RYR3: variants seen among roughly 807,000 people sequenced by gnomAD.
The protein encoded by RYR3 is brain ryanodine receptor-calcium release channel.
A neutral mutation model predicts 584.3 loss-of-function variants in RYR3; 207 were observed. That is an observed-to-expected ratio of 0.35 (90% confidence interval 0.32 to 0.40). RYR3 has a LOEUF of 0.40. Among genes scored for constraint, RYR3 ranks in the 10% least tolerant of loss-of-function variants. RYR3 has a pLI of 1.00. For synonymous variants in RYR3, 2,416 were observed against 2,248.5 expected, an observed-to-expected ratio of 1.07 and a Z score of -2.11; for missense variants, 5,616 against 6,089.2, an observed-to-expected ratio of 0.92 and a Z score of 2.59.
intron 4 of RYR3, among the ~76,000 whole-genome samples, chr15:33,531,683 T>A (rs2054886947): frequency 6.6e-6 from 1 of 152,026 alleles, no homozygotes; most frequent in Admixed American, 6.6e-5. Context: ...GGCTGACCTT[T>A]TCAGCCTGAA....
At chr15:33,357,839 C>T (rs190588404) in intron 1 of RYR3, among the ~76,000 whole-genome samples, 1 of 152,266 alleles carries the variant, frequency 6.6e-6, no homozygotes. Context: ...ACCAGCGAGC[C>T]TAATCATGTT....
intron 43 of RYR3, chr15:33,722,398 G>A (rs1199093672): frequency 5.8e-6 from 2 of 343,554 alleles, no homozygotes; most frequent in Non-Finnish European, 1.0e-5. Flanking sequence ...TGTAATGGTG[G>A]ATCTTAATAC....
chr15:33,848,235 G>A, intron 93 of RYR3, 56 bp from the exon 94 acceptor site: 1 of 1,604,482 alleles, frequency 6.2e-7, no homozygotes, highest in Non-Finnish European at 8.5e-7. Context: ...ATACCTGGGA[G>A]CAGGAGCTTT....
intron 4 of RYR3, among the ~76,000 whole-genome samples, chr15:33,532,972 C>T (rs1207381972): frequency 6.6e-6 from 1 of 152,072 alleles, no homozygotes; most frequent in African/African-American, 2.4e-5. Context: ...TTTTAATTAG[C>T]TGGGCATGGT....
chr15:33,472,156 T>G (rs936483739), intron 1 of RYR3, among the ~76,000 whole-genome samples: 1 of 152,204 alleles, frequency 6.6e-6, no homozygotes, highest in Non-Finnish European at 1.5e-5. Flanking sequence ...AGTAAAACTG[T>G]GGAGCTATGT....
chr15:33,542,225 A>G (rs893842202), intron 7 of RYR3, among the ~76,000 whole-genome samples: 1 of 152,064 alleles, frequency 6.6e-6, no homozygotes, highest in Non-Finnish European at 1.5e-5. Context: ...TTTCCTGACT[A>G]TGGCCCTGAT....
rs990042194 is a variant in RYR3, at chr15:33,527,303, G to A, written c.280-3289G>A. Among the ~76,000 whole-genome samples the A allele has an allele frequency of 3.9e-5, 6 of 152,036 alleles. No homozygotes were observed. The East Asian group carries it at 9.6e-4, about 24-fold the overall frequency. On this transcript the variant is annotated intron_variant, in intron 3 of 103. Transcript: ENST00000634891. Reference sequence around the variant, plus strand: ...AAATAAAATAAAATACATTAAGGCCGGGCATGGTAGCTCACTCCTGTAATC... The same window carrying A: ...AAATAAAATAAAATACATTAAGGCCAGGCATGGTAGCTCACTCCTGTAATC...
At chr15:33,859,805 A>C (rs1470174287) in intron 100 of RYR3, 74 bp downstream of exon 100, 29 of 1,450,896 alleles carry the variant, frequency 2.0e-5, no homozygotes, top group Non-Finnish European at 2.6e-5. Flanking sequence ...TCTATGACTT[A>C]ATTGGTTTAT....
At chr15:33,651,857 C>T (rs868656553) in intron 31 of RYR3, among the ~76,000 whole-genome samples, 1 of 152,182 alleles carries the variant, frequency 6.6e-6, no homozygotes, top group African/African-American at 2.4e-5. Flanking sequence ...CCTGAGCTGA[C>T]GTACACCAGT....
intron 10 of RYR3, among the ~76,000 whole-genome samples, chr15:33,550,681 C>T (rs2056612024): frequency 6.6e-6 from 1 of 152,124 alleles, no homozygotes; most frequent in African/African-American, 2.4e-5. Flanking sequence ...GCAATAGTAA[C>T]ATGGAGGCAT....
chr15:33,508,829 G>A (rs1483897897), intron 3 of RYR3, among the ~76,000 whole-genome samples: 1 of 152,070 alleles, frequency 6.6e-6, no homozygotes, highest in South Asian at 2.1e-4. Context: ...ATTTATTCTT[G>A]TCTTTACAGT....
At chr15:33,728,773 A>C (rs2068680688) in intron 46 of RYR3, 84 bp from the exon 47 acceptor site, 1 of 1,301,460 alleles carries the variant, frequency 7.7e-7, no homozygotes, top group Non-Finnish European at 1.0e-6. Flanking sequence ...AGGGAGAATA[A>C]GCTATAGACA....
At chr15:33,721,081 C>T (rs948853011) in intron 43 of RYR3, among the ~76,000 whole-genome samples, 1 of 152,176 alleles carries the variant, frequency 6.6e-6, no homozygotes, top group African/African-American at 2.4e-5. Context: ...GACTAAGTAA[C>T]AATAAATGAC....
rs2063237895 is a variant in RYR3 at position 33,662,700 on chromosome 15, C to T, written c.5170C>T (p.Pro1724Ser). 6.2e-7 allele frequency: 1 copy of T among 1,614,154 alleles called. No individual in the cohort carries two copies. The highest frequency in any genetic ancestry group is 8.5e-7 in the Non-Finnish European group (1 of 1,180,028). ...GGGGTCTGTGGAGTTCCAGTTTGTG[C>T]CTGTGCTGAAACTCATTGGAACCCT... ...VGGSVEFQFV[P>S]VLKLIGTLLV... is the part of the protein sequence containing the mutation. The change falls in exon 35 of 104, where the codon CCT becomes TCT. Residue 1724 changes from proline (P) to serine (S), a missense_variant. Coordinates refer to ENST00000634891, the MANE Select transcript of RYR3 (RefSeq NM_001036.6).
chr15:33,671,805 C>CTTTTTTTTTTTT lies in RYR3; in HGVS notation c.5860+1262_5860+1273dup, dbSNP rs56206846. Among the ~76,000 whole-genome samples, 73 of 80,274 alleles carry CTTTTTTTTTTTT rather than the reference C, an allele frequency of 9.1e-4. 1 individual carries two copies. The highest frequency in any genetic ancestry group is 1.5e-3 in the South Asian group (3 of 1,948). 52.7% of individuals were successfully genotyped at this position (80,274 alleles called of 152,430 possible). A position where few individuals can be genotyped will look rare whatever the true frequency, so the allele number is the denominator to read the frequency against. ...GTTGCTTCTTTCCCACCTTCTTTTT[C>CTTTTTTTTTTTT]TTTTTTTTTTTTTTTTTTTTTTTTC... On this transcript the variant is annotated intron_variant, in intron 38 of 103. Transcript: ENST00000634891.
intron 34 of RYR3, among the ~76,000 whole-genome samples, chr15:33,661,440 T>G (rs1280775023): frequency 6.6e-6 from 1 of 152,096 alleles, no homozygotes; most frequent in Admixed American, 6.5e-5. Flanking sequence ...ACCCCATGGA[T>G]AGTGGTAGAT....
intron 38 of RYR3, among the ~76,000 whole-genome samples, chr15:33,676,689 G>T (rs1034139637): frequency 6.6e-6 from 1 of 152,136 alleles, no homozygotes; most frequent in Non-Finnish European, 1.5e-5. Flanking sequence ...CACCCTGCAT[G>T]GCAAACAAAA....
At chr15:33,405,271 G>A (rs969842536) in intron 1 of RYR3, among the ~76,000 whole-genome samples, 2 of 152,162 alleles carry the variant, frequency 1.3e-5, no homozygotes, top group African/African-American at 4.8e-5. Flanking sequence ...TGGAGACTGA[G>A]GTTATAAACC....
chr15:33,454,455 C>G (rs149541305), intron 1 of RYR3, among the ~76,000 whole-genome samples: 2 of 152,112 alleles, frequency 1.3e-5, no homozygotes, highest in African/African-American at 4.8e-5. Context: ...CCTGGCCAAG[C>G]GAAACTCCAT....
Sources: gnomAD v4.1 joint callset for allele counts (sites outside exome capture counted in the v4.1 genomes callset) on GRCh38, gnomAD v4.1.1 for gene constraint, MANE v1.5 for transcripts, NCBI Gene and HGNC (gene_info 2026-07-23, HGNC 2026-07-21) for gene names.